NLRP4: variants seen among roughly 807,000 people sequenced by gnomAD.
The protein encoded by NLRP4 is NACHT, LRR and PYD domains-containing protein 4.
Under a neutral mutation model 84.7 loss-of-function variants are expected in NLRP4, and 44 were observed. The ratio of observed to expected loss-of-function variants is 0.52; its 90% CI spans 0.41 to 0.67. The LOEUF (loss-of-function observed/expected upper bound fraction) is 0.67. NLRP4 is among the 30% of genes least tolerant of loss of function. The probability of loss-of-function intolerance (pLI) is 0.00; values close to 1 mark genes in which losing one functional copy is unlikely to be tolerated. For missense variants in NLRP4, 1,260 were observed against 1,219.4 expected (o/e 1.03, Z -0.50); for synonymous variants, 544 against 476.4 (o/e 1.14, Z -1.85).
At chr19:55,870,323 C>T (rs770454370) in intron 6 of NLRP4, among the ~76,000 whole-genome samples, 1 of 152,162 alleles carries the variant, frequency 6.6e-6, no homozygotes, top group Non-Finnish European at 1.5e-5. Context: ...CTTTTTCCTT[C>T]TGCATTACCC....
rs532484414 is a variant in NLRP4, at chr19:55,853,761, TTCTC to T, written c.280+1415_280+1418del. The stretch of plus-strand genomic sequence containing the variant: ...TTTTCCTTTTTCTTTCTCTTTCTCT[TTCTC>T]TCTCTCTCTCTCTTTCTGTCTCTCT... On this transcript the variant is annotated intron_variant, in intron 2 of 9. Transcript: ENST00000301295. Among the ~76,000 whole-genome samples the T allele has an allele frequency of 8.6e-3, 1,121 of 130,406 alleles. 9 individuals are homozygous for T. The highest frequency in any genetic ancestry group is 0.032 in the African/African-American group (829 of 25,596). 85.6% of individuals were successfully genotyped at this position (130,406 alleles called of 152,430 possible).
chr19:55,881,161 G>GTGTGTGTGTGTGTGTGTGTGTA (rs1985571681), intron 9 of NLRP4, among the ~76,000 whole-genome samples: 1 of 151,992 alleles, frequency 6.6e-6, no homozygotes, highest in Non-Finnish European at 1.5e-5. Context: ...GTGTGTGTGT[G>GTGTGTGTGTGTGTGTGTGTGTA]TGTGTACCTG....
chr19:55,872,378 A>G (rs1985218614), intron 7 of NLRP4, among the ~76,000 whole-genome samples: 1 of 152,184 alleles, frequency 6.6e-6, no homozygotes, highest in Non-Finnish European at 1.5e-5. Context: ...ACACAGTTAA[A>G]ATAACCCAAC....
intron 9 of NLRP4, 121 bp from the exon 10 acceptor site, chr19:55,881,349 C>A: frequency 1.7e-6 from 1 of 599,834 alleles, no homozygotes. Context: ...TGTCTTTCCT[C>A]TTGGAGGTAA....
chr19:55,843,762 T>G (rs772175321), intron 1 of NLRP4, among the ~76,000 whole-genome samples: 25 of 151,744 alleles, frequency 1.6e-4, no homozygotes, highest in Non-Finnish European at 2.8e-4. Flanking sequence ...GTAATTGCGG[T>G]TTTTGCATTT....
chr19:55,876,496 G>A (rs985206546), intron 7 of NLRP4, among the ~76,000 whole-genome samples: 10 of 152,002 alleles, frequency 6.6e-5, no homozygotes, highest in African/African-American at 1.4e-4. Flanking sequence ...CTACAGGCAC[G>A]CATCGCCATG....
intron 1 of NLRP4, among the ~76,000 whole-genome samples, chr19:55,845,943 G>A (rs1329864695): frequency 6.6e-6 from 1 of 151,628 alleles, no homozygotes; most frequent in South Asian, 2.1e-4. Context: ...AGATGAGTAG[G>A]TTGCGAAAAT....
At chr19:55,839,308 AGT>A (rs59705356) in intron 1 of NLRP4, among the ~76,000 whole-genome samples, 1 of 151,350 alleles carries the variant, frequency 6.6e-6, no homozygotes, top group African/African-American at 2.4e-5. Flanking sequence ...CCTCAGTTTG[AGT>A]GTGTGTGTGT....
intron 3 of NLRP4, among the ~76,000 whole-genome samples, chr19:55,861,039 T>C (rs1984728278): frequency 6.6e-6 from 1 of 152,140 alleles, no homozygotes; most frequent in Non-Finnish European, 1.5e-5. Flanking sequence ...TGGTGATGTT[T>C]TGGGGGCTGG....
At chr19:55,866,061 TCTCA>T (rs1984943755) in intron 5 of NLRP4, among the ~76,000 whole-genome samples, 1 of 152,092 alleles carries the variant, frequency 6.6e-6, no homozygotes, top group South Asian at 2.1e-4. Context: ...TTGAGATGAG[TCTCA>T]CTCTGTCACC....
intron 6 of NLRP4, among the ~76,000 whole-genome samples, chr19:55,868,755 C>T (rs302433): frequency 0.67 from 102,023 of 151,884 alleles, 34,692 homozygotes; most frequent in East Asian, 0.83. Context: ...ACAAATATCA[C>T]TGGAAGAAAT....
At position 55,870,931 on chromosome 19, in the gene NLRP4, A is replaced by T. The variant is rs538973084; in HGVS notation, c.2459A>T (p.Lys820Met). The stretch of plus-strand genomic sequence containing the variant: ...CTAGACCTCAGTGCCAATGTCCTGA[A>T]GGACGAAGGACTGAAAACTCTCTGC... ...RYLDLSANVL[K>M]DEGLKTLCEA... The change falls in exon 7 of 10, where the codon AAG becomes ATG. Residue 820 changes from lysine (K) to methionine (M), a missense_variant. Lys to Met is a moderately conservative substitution (Grantham distance 95). Transcript: ENST00000301295. 6.2e-7 allele frequency: 1 copy of T among 1,614,136 alleles called. No homozygotes were observed. Among genetic ancestry groups the T allele is most frequent in the Admixed American group, 1.7e-5 (1 of 60,024 alleles).
intron 1 of NLRP4, among the ~76,000 whole-genome samples, chr19:55,851,418 C>T (rs1344533847): frequency 3.8e-5 from 2 of 53,242 alleles, no homozygotes; most frequent in Non-Finnish European, 5.8e-5. Flanking sequence ...TACGAGGCTG[C>T]GGTGTAATTT....
chr19:55,846,357 C>T (rs1371495651), intron 1 of NLRP4, among the ~76,000 whole-genome samples: 2 of 152,078 alleles, frequency 1.3e-5, no homozygotes, highest in Non-Finnish European at 2.9e-5. Flanking sequence ...TTTCCGAGGG[C>T]TCTGTTCTGT....
At chr19:55,847,325 T>G (rs1412378376) in intron 1 of NLRP4, among the ~76,000 whole-genome samples, 1 of 152,218 alleles carries the variant, frequency 6.6e-6, no homozygotes, top group Non-Finnish European at 1.5e-5. Context: ...GTTTTTGAAT[T>G]ATGATTTCCT....
At chr19:55,838,799 A>G (rs1298522519) in intron 1 of NLRP4, among the ~76,000 whole-genome samples, 1 of 152,178 alleles carries the variant, frequency 6.6e-6, no homozygotes, top group African/African-American at 2.4e-5. Context: ...AAAAATAAAA[A>G]TAAAAGTAAG....
intron 1 of NLRP4, among the ~76,000 whole-genome samples, chr19:55,850,327 T>G (rs373032148): frequency 3.2e-3 from 155 of 48,924 alleles, no homozygotes; most frequent in South Asian, 5.1e-3. Context: ...GCGGTGTAAT[T>G]TCCGAGGCTG....
intron 1 of NLRP4, among the ~76,000 whole-genome samples, chr19:55,845,163 C>G (rs1347615279): frequency 7.0e-6 from 1 of 142,454 alleles, no homozygotes; most frequent in Non-Finnish European, 1.5e-5. Flanking sequence ...TCTCCTAATG[C>G]TATCCCTCCC....
intron 1 of NLRP4, among the ~76,000 whole-genome samples, chr19:55,841,550 C>T (rs1461518831): frequency 6.6e-6 from 1 of 152,060 alleles, no homozygotes; most frequent in Non-Finnish European, 1.5e-5. Flanking sequence ...TAGTTTGTTT[C>T]TATATCTTGG....
Sources: allele counts gnomAD v4.1 joint callset (sites outside exome capture counted in the v4.1 genomes callset), GRCh38; gene constraint gnomAD v4.1.1; transcripts MANE v1.5; gene names NCBI Gene and HGNC (gene_info 2026-07-23, HGNC 2026-07-21).